KIF1A: variants seen among roughly 807,000 people sequenced by gnomAD.
KIF1A encodes kinesin-like protein KIF1A.
In KIF1A, 46 loss-of-function variants were observed where a neutral mutation model predicts 227.3. That is an observed-to-expected ratio of 0.20 (90% confidence interval 0.16 to 0.26). KIF1A has a LOEUF of 0.26. Ranked by LOEUF, KIF1A falls within the 10% of genes least tolerant of loss-of-function variation. The pLI is 1.00. For synonymous variants in KIF1A, 1,022 were observed against 1,012.8 expected (o/e 1.01, Z -0.17); for missense variants, 1,683 against 2,485.9 (o/e 0.68, Z 6.87).
At chr2:240,791,994 G>A (rs1017723393) in intron 2 of KIF1A, among the ~76,000 whole-genome samples, 1 of 150,900 alleles carries the variant, frequency 6.6e-6, no homozygotes, top group African/African-American at 2.4e-5. Context: ...CATGTATTGT[G>A]TCTGGGAGCC....
Position 240,741,250 on chromosome 2 carries a change from C to T in KIF1A, c.3749+19G>A. ...CCGACACACACTCACGCCCTGGGGG[C>T]CCCAGCACCAGCACTCACTCGCCGT... On this transcript the variant is annotated intron_variant, in intron 35 of 48. Coordinates refer to ENST00000498729, the MANE Select transcript of KIF1A (RefSeq NM_001244008.2). 6.5e-7 allele frequency: 1 copy of T among 1,547,862 alleles called. No individual in the cohort carries two copies. Among genetic ancestry groups the T allele is most frequent in the Non-Finnish European group, 8.7e-7 (1 of 1,144,260 alleles).
intron 43 of KIF1A, 128 bp from the exon 44 acceptor site, chr2:240,722,012 A>G: frequency 1.4e-6 from 1 of 719,796 alleles, no homozygotes; most frequent in South Asian, 1.6e-5. Flanking sequence ...ACAGTGGGTC[A>G]AGGTGGGCAG....
intron 20 of KIF1A, among the ~76,000 whole-genome samples, chr2:240,764,377 C>T (rs765626517): frequency 5.9e-5 from 9 of 152,174 alleles, no homozygotes; most frequent in Admixed American, 1.3e-4. Flanking sequence ...GCACAGCTGT[C>T]TCTCTGTCCG....
At position 240,758,281 on chromosome 2, in the gene KIF1A, G is replaced by T; in HGVS notation, c.2582+79C>A. On this transcript the variant is annotated intron_variant, in intron 26 of 48. Transcript: ENST00000498729. The surrounding 1 kb of genome is among the most constrained non-coding windows in gnomAD (Gnocchi z 5.2). ...TTGTCAGGGCCGCTCCTTGTATCAG[G>T]CCAGGGCCCACTCCTACCCCCACTG... is the stretch of plus-strand genomic sequence containing the variant. 6.7e-7 allele frequency: 1 copy of T among 1,500,300 alleles called. No individual in the cohort carries two copies. Among genetic ancestry groups the T allele is most frequent in the Non-Finnish European group, 9.0e-7 (1 of 1,110,666 alleles). The allele number at this position is 1,500,300 out of a possible 1,614,324, so 92.9% of individuals were successfully genotyped here. A position where few individuals can be genotyped will look rare whatever the true frequency, so the allele number is the denominator to read the frequency against.
chr2:240,761,122 CG>C, intron 24 of KIF1A, 106 bp downstream of exon 24: 1 of 1,350,232 alleles, frequency 7.4e-7, no homozygotes, highest in Non-Finnish European at 1.0e-6. Context: ...ATGCCACCCC[CG>C]GGGCCGGCAG....
chr2:240,725,237 G>T lies in KIF1A; in HGVS notation c.4256+34C>A, dbSNP rs1200978341. On this transcript the variant is annotated intron_variant, in intron 40 of 48. Coordinates refer to ENST00000498729, the MANE Select transcript of KIF1A (RefSeq NM_001244008.2). The surrounding 1 kb of genome is among the most constrained non-coding windows in gnomAD (Gnocchi z 5.8). The stretch of plus-strand genomic sequence containing the variant: ...CCTGGCCCGCACCGAGACCAGGGTG[G>T]GAGTCCATGTGGTCCTCACCCCTGG... The T allele has an allele frequency of 6.4e-7, 1 of 1,572,510 alleles. No homozygotes were observed. The highest frequency in any genetic ancestry group is 8.6e-7 in the Non-Finnish European group (1 of 1,159,522).
At chr2:240,783,862 C>T (rs749802608) in intron 7 of KIF1A, 46 bp from the exon 8 acceptor site, 10 of 1,434,794 alleles carry the variant, frequency 7.0e-6, no homozygotes, top group Middle Eastern at 1.7e-4. Context: ...ACAAGATGCG[C>T]GGGGGCATCC....
At chr2:240,785,743 C>T (rs1436361897) in intron 6 of KIF1A, among the ~76,000 whole-genome samples, 1 of 152,220 alleles carries the variant, frequency 6.6e-6, no homozygotes, top group Non-Finnish European at 1.5e-5. Flanking sequence ...CCCCACCCAC[C>T]AGCCCTTGTG....
chr2:240,815,305 C>A, intron 1 of KIF1A, among the ~76,000 whole-genome samples: 1 of 152,218 alleles, frequency 6.6e-6, no homozygotes, highest in East Asian at 1.9e-4. Flanking sequence ...CTGAGGCCCA[C>A]CCTCAGGTGG....
At chr2:240,721,348 C>G (rs1347870395) in intron 44 of KIF1A, among the ~76,000 whole-genome samples, 1 of 152,234 alleles carries the variant, frequency 6.6e-6, no homozygotes, top group African/African-American at 2.4e-5. Context: ...CGTGAGGTGG[C>G]GCTGGGTGAT....
intron 1 of KIF1A, among the ~76,000 whole-genome samples, chr2:240,805,291 CA>C (rs1473708583): frequency 6.6e-6 from 1 of 152,090 alleles, no homozygotes; most frequent in Non-Finnish European, 1.5e-5. Flanking sequence ...AAGAAATAAG[CA>C]GAACTGAAAA....
rs2044584674 is a variant in KIF1A at position 240,716,204 on chromosome 2, G to A, written c.*1160C>T. 1 of 152,060 alleles carries A rather than the reference G, an allele frequency of 6.6e-6. No individual in the cohort carries two copies. Among genetic ancestry groups the A allele is most frequent in the East Asian group, 1.9e-4 (1 of 5,312 alleles). The allele number at this position is 152,060 out of a possible 1,614,324, so 9.4% of individuals were successfully genotyped here. On this transcript the variant is annotated 3_prime_UTR_variant, in exon 49 of 49. Transcript: ENST00000498729. Reference sequence around the variant, plus strand: ...CCGACCAGGATACCCCCACCCCATGGGATTTTCTCAGTGGGACTCACAGAA... The same window carrying A: ...CCGACCAGGATACCCCCACCCCATGAGATTTTCTCAGTGGGACTCACAGAA...
Position 240,718,105 on chromosome 2 carries a change from T to G in KIF1A, c.5278A>C (p.Lys1760Gln). 1.2e-6 allele frequency: 2 copies of G among 1,611,938 alleles called. No homozygotes were observed. Among genetic ancestry groups the G allele is most frequent in the Non-Finnish European group, 1.7e-6 (2 of 1,179,492 alleles). ...RGILLQAASD[K>Q]DMHDWLYAFN... is the part of the protein sequence containing the mutation. ...GCGTACAGCCAGTCATGCATGTCCT[T>G]GTCGCTGGCGGCCTGCAGCAGGATG... is the stretch of plus-strand genomic sequence containing the variant. Residue 1760 changes from lysine to glutamine, a missense_variant, in exon 48 of 49, where the codon AAG becomes CAG. Lys to Gln is a moderately conservative substitution (Grantham distance 53). Transcript: ENST00000498729.
intron 22 of KIF1A, 63 bp downstream of exon 22, chr2:240,762,956 G>A: frequency 7.3e-7 from 1 of 1,361,538 alleles, no homozygotes; most frequent in Non-Finnish European, 9.8e-7. Context: ...GGGGGCGTGG[G>A]AGGACAGGGG....
At position 240,760,852 on chromosome 2, in the gene KIF1A, G is replaced by A. The variant is rs1333121682; in HGVS notation, c.2266-9C>T. 1.9e-6 allele frequency: 3 copies of A among 1,604,358 alleles called. No homozygotes were observed. Among genetic ancestry groups the A allele is most frequent in the East Asian group, 4.5e-5 (2 of 44,172 alleles). On this transcript the variant is annotated splice_polypyrimidine_tract_variant and intron_variant, in intron 24 of 48. Transcript: ENST00000498729. Reference sequence around the variant, plus strand: ...ACAAACTGGAATTGTACCTGTGACAGGGGAAGATGACCACTCGTCAGCTCC... The same window carrying A: ...ACAAACTGGAATTGTACCTGTGACAAGGGAAGATGACCACTCGTCAGCTCC...
In KIF1A at chr2:240,715,281, G is replaced by A. The variant is rs1325687446; in HGVS notation, c.*2083C>T. 1 of 152,474 alleles carries A rather than the reference G, an allele frequency of 6.6e-6. No individual in the cohort carries two copies. Among genetic ancestry groups the A allele is most frequent in the African/African-American group, 2.4e-5 (1 of 41,474 alleles). 9.4% of individuals were successfully genotyped at this position (152,474 alleles called of 1,614,324 possible). A position where few individuals can be genotyped will look rare whatever the true frequency, so the allele number is the denominator to read the frequency against. ...CACCCATGGGGAGCACAGGCCACCT[G>A]GCTTCTGAATTTTATTTTGGGATGT... On this transcript the variant is annotated 3_prime_UTR_variant, in exon 49 of 49. Coordinates refer to ENST00000498729, the MANE Select transcript of KIF1A (RefSeq NM_001244008.2).
chr2:240,717,780 C>T (rs2044734487), intron 48 of KIF1A, among the ~76,000 whole-genome samples: 1 of 152,238 alleles, frequency 6.6e-6, no homozygotes, highest in African/African-American at 2.4e-5. Context: ...GCCCTAAGGG[C>T]ATCCCCAGCC....
chr2:240,786,790 G>GAGGGTA (rs1559530149), intron 5 of KIF1A, among the ~76,000 whole-genome samples: 5 of 132,620 alleles, frequency 3.8e-5, no homozygotes, highest in South Asian at 2.1e-4. Flanking sequence ...CCCTGAGTGA[G>GAGGGTA]GGGGTGGGGG....
chr2:240,793,541 A>G lies in KIF1A; in HGVS notation c.106+4106T>C, dbSNP rs2056005227. Among the ~76,000 whole-genome samples, 1 of 152,118 alleles carries G rather than the reference A, an allele frequency of 6.6e-6. No individual in the cohort carries two copies. The highest frequency in any genetic ancestry group is 6.5e-5 in the Admixed American group (1 of 15,278). ...CCTCACGTCCTCCGGTCCTCAGGGC[A>G]GAGAATGTGAGGAGAGAGGAGGAGG... On this transcript the variant is annotated intron_variant, in intron 2 of 48. Coordinates refer to ENST00000498729, the MANE Select transcript of KIF1A (RefSeq NM_001244008.2). The surrounding 1 kb of genome is among the most constrained non-coding windows in gnomAD (Gnocchi z 4.8).
Sources: allele counts gnomAD v4.1 joint callset (sites outside exome capture counted in the v4.1 genomes callset), GRCh38; gene constraint gnomAD v4.1.1; non-coding constraint Gnocchi (gnomAD v3.1); transcripts MANE v1.5; gene names NCBI Gene and HGNC (gene_info 2026-07-23, HGNC 2026-07-21).